The following DPP10 variants were observed in gnomAD, a reference collection of about 807,000 sequenced individuals.
DPP10 encodes the protein dipeptidyl peptidase like 10.
Under a neutral mutation model 120.9 loss-of-function variants are expected in DPP10, and 33 were observed. The observed-to-expected ratio is 0.27, with a 90% CI of 0.21 to 0.37. The LOEUF (loss-of-function observed/expected upper bound fraction) is 0.37. Among genes scored for constraint, DPP10 ranks in the 10% least tolerant of loss-of-function variants. The probability of loss-of-function intolerance (pLI) is 1.00; values close to 1 mark genes in which losing one functional copy is unlikely to be tolerated. For missense variants in DPP10, 816 were observed against 942.8 expected (o/e 0.87, Z 1.76); for synonymous variants, 337 against 326.1 (o/e 1.03, Z -0.36).
intron 17 of DPP10, among the ~76,000 whole-genome samples, chr2:115,782,860 T>C (rs1233777317): frequency 1.3e-5 from 2 of 152,128 alleles, no homozygotes; most frequent in Non-Finnish European, 2.9e-5. Flanking sequence ...CACTTTTTCA[T>C]TTATGAATTT....
rs1334849696 is a variant in DPP10, at chr2:115,592,878, C to T, written c.441+66906C>T. ...CCCAAAAAAGATACCTTTGCAAGGC[C>T]ACTTCTGTTTGCTGGCACTGCAGCA... On this transcript the variant is annotated intron_variant, in intron 5 of 25. Transcript: ENST00000410059. Among the ~76,000 whole-genome samples, 3 of 152,230 alleles carry T rather than the reference C, an allele frequency of 2.0e-5. No individual in the cohort carries two copies. In the South Asian group the frequency reaches 6.2e-4, roughly 32 times the overall value.
chr2:114,912,898 C>T (rs914163159), intron 1 of DPP10, among the ~76,000 whole-genome samples: 5 of 151,566 alleles, frequency 3.3e-5, no homozygotes, highest in Non-Finnish European at 5.9e-5. Flanking sequence ...GACATGGGAA[C>T]GGCTGCAGTG....
At chr2:114,536,770 T>A (rs2104775414) in intron 1 of DPP10, among the ~76,000 whole-genome samples, 1 of 152,252 alleles carries the variant, frequency 6.6e-6, no homozygotes, top group Admixed American at 6.5e-5. Flanking sequence ...TTTTAATCAT[T>A]ATTTGTTTAG....
At chr2:115,606,596 T>C (rs761721463) in intron 5 of DPP10, among the ~76,000 whole-genome samples, 1 of 152,118 alleles carries the variant, frequency 6.6e-6, no homozygotes, top group Non-Finnish European at 1.5e-5. Context: ...CTGCAAGATT[T>C]TGAGTAAAGT....
intron 5 of DPP10, among the ~76,000 whole-genome samples, chr2:115,549,321 AGTCTTC>A (rs1359192636): frequency 6.6e-6 from 1 of 152,124 alleles, no homozygotes; most frequent in Non-Finnish European, 1.5e-5. Flanking sequence ...GTGTGTGATC[AGTCTTC>A]TCCCAGTCCA....
chr2:115,459,841 A>G (rs1041109875), intron 3 of DPP10, among the ~76,000 whole-genome samples: 1 of 151,452 alleles, frequency 6.6e-6, no homozygotes, highest in African/African-American at 2.4e-5. Context: ...CTATGACTAA[A>G]GAACAAGCTG....
chr2:115,085,900 T>G (rs1292201711), intron 1 of DPP10, among the ~76,000 whole-genome samples: 1 of 152,222 alleles, frequency 6.6e-6, no homozygotes, highest in Non-Finnish European at 1.5e-5. Context: ...GCCAAATTCC[T>G]ACCTAAGGGG....
chr2:115,249,578 T>C (rs986707243), intron 1 of DPP10, among the ~76,000 whole-genome samples: 14 of 152,278 alleles, frequency 9.2e-5, no homozygotes, highest in African/African-American at 3.1e-4. Flanking sequence ...ATAATTTCAT[T>C]GGGTAACTTT....
intron 3 of DPP10, among the ~76,000 whole-genome samples, chr2:115,448,112 T>C (rs2104939305): frequency 6.6e-6 from 1 of 152,260 alleles, no homozygotes; most frequent in South Asian, 2.1e-4. Context: ...TGAGGTACAG[T>C]GAATGAGATT....
At chr2:114,848,283 C>T (rs1688694014) in intron 1 of DPP10, among the ~76,000 whole-genome samples, 5 of 152,148 alleles carry the variant, frequency 3.3e-5, no homozygotes, top group Admixed American at 3.3e-4. Flanking sequence ...TCTGGATTTG[C>T]TCTATACCAG....
intron 1 of DPP10, among the ~76,000 whole-genome samples, chr2:114,607,383 A>G (rs1692901756): frequency 6.6e-6 from 1 of 152,184 alleles, no homozygotes; most frequent in South Asian, 2.1e-4. Flanking sequence ...TGCCTATGTG[A>G]CAAAAGGGAC....
intron 21 of DPP10, among the ~76,000 whole-genome samples, chr2:115,819,352 C>G (rs1451729538): frequency 6.6e-6 from 1 of 151,976 alleles, no homozygotes; most frequent in Non-Finnish European, 1.5e-5. Flanking sequence ...ATATAATATC[C>G]TCTTATTATA....
intron 4 of DPP10, among the ~76,000 whole-genome samples, chr2:115,518,647 AAAT>A (rs1409254766): frequency 6.6e-6 from 1 of 152,054 alleles, no homozygotes; most frequent in Non-Finnish European, 1.5e-5. Flanking sequence ...GCGTGTTTTA[AAAT>A]AATAATTATA....
intron 1 of DPP10, among the ~76,000 whole-genome samples, chr2:114,955,082 T>C (rs1698099074): frequency 6.6e-6 from 1 of 152,204 alleles, no homozygotes; most frequent in South Asian, 2.1e-4. Flanking sequence ...ATTAAGAAAG[T>C]AAAGGAATAA....
chr2:114,774,336 TC>T (rs1558727910), intron 1 of DPP10, among the ~76,000 whole-genome samples: 2 of 151,390 alleles, frequency 1.3e-5, no homozygotes, highest in African/African-American at 4.9e-5. Context: ...GTAAGTGGAG[TC>T]TTTGGGGCTT....
intron 3 of DPP10, among the ~76,000 whole-genome samples, chr2:115,447,700 T>C (rs2072736512): frequency 6.6e-6 from 1 of 152,174 alleles, no homozygotes; most frequent in Non-Finnish European, 1.5e-5. Context: ...GGGACTTGCT[T>C]CTCCTCATCT....
intron 1 of DPP10, among the ~76,000 whole-genome samples, chr2:115,181,116 C>T (rs138995500): frequency 6.9e-6 from 1 of 145,306 alleles, no homozygotes; most frequent in Non-Finnish European, 1.5e-5. Flanking sequence ...TGCATCTGTT[C>T]TTTTTATCCT....
intron 1 of DPP10, among the ~76,000 whole-genome samples, chr2:114,961,923 C>T (rs1698669317): frequency 6.6e-6 from 1 of 152,002 alleles, no homozygotes. Flanking sequence ...CACTGAACTC[C>T]AGCCTGGGCA....
At chr2:114,770,128 A>C (rs1278785655) in intron 1 of DPP10, among the ~76,000 whole-genome samples, 2 of 152,128 alleles carry the variant, frequency 1.3e-5, no homozygotes, top group Admixed American at 6.5e-5. Flanking sequence ...AAGAGAAAAA[A>C]TAGAGTACCA....
Sources: gnomAD v4.1 joint callset for allele counts (sites outside exome capture counted in the v4.1 genomes callset) on GRCh38, gnomAD v4.1.1 for gene constraint, MANE v1.5 for transcripts, NCBI Gene and HGNC (gene_info 2026-07-23, HGNC 2026-07-21) for gene names.